PUM2: variants seen among roughly 807,000 people sequenced by gnomAD.
PUM2 encodes the protein pumilio RNA binding family member 2, also known as pumilio homolog 2.
In PUM2, 57 loss-of-function variants were observed where a neutral mutation model predicts 124.5. The observed-to-expected ratio is 0.46, with a 90% CI of 0.37 to 0.57. The LOEUF (loss-of-function observed/expected upper bound fraction) is 0.57, where lower values mean the gene tolerates loss of function less well. Among genes scored for constraint, PUM2 ranks in the 20% least tolerant of loss-of-function variants. PUM2 has a pLI of 0.00. For synonymous variants in PUM2, 460 were observed against 446.1 expected, an observed-to-expected ratio of 1.03 and a Z score of -0.39; for missense variants, 1,065 against 1,290.6, an observed-to-expected ratio of 0.83 and a Z score of 2.68.
chr2:20,254,090 ATCT>A, intron 19 of PUM2, 76 bp from the exon 20 acceptor site: 1 of 1,236,206 alleles, frequency 8.1e-7, no homozygotes, highest in Non-Finnish European at 1.1e-6. Flanking sequence ...TATAGAAAGA[ATCT>A]TCTCCAATGA....
intron 13 of PUM2, among the ~76,000 whole-genome samples, chr2:20,264,189 T>C (rs935526758): frequency 4.0e-5 from 6 of 149,928 alleles, no homozygotes; most frequent in African/African-American, 1.5e-4. Flanking sequence ...ATACAAAAAT[T>C]AGCCAGGCGT....
chr2:20,285,854 G>A (rs974982979), intron 10 of PUM2, among the ~76,000 whole-genome samples: 1 of 152,104 alleles, frequency 6.6e-6, no homozygotes, highest in African/African-American at 2.4e-5. Flanking sequence ...AAGTTATTGG[G>A]CAGTGACAAC....
chr2:20,291,633 T>C (rs1024143726), intron 9 of PUM2, among the ~76,000 whole-genome samples: 2 of 152,184 alleles, frequency 1.3e-5, no homozygotes, highest in South Asian at 2.1e-4. Context: ...TTTTCTTGTG[T>C]TTCTCTTTAC....
intron 20 of PUM2, among the ~76,000 whole-genome samples, 192 bp from the exon 21 acceptor site, chr2:20,251,908 T>C (rs1663457959): frequency 6.6e-6 from 1 of 152,196 alleles, no homozygotes; most frequent in Non-Finnish European, 1.5e-5. Context: ...TCGAAATTGT[T>C]CAATGAATAA....
chr2:20,312,700 C>A (rs1238583645), intron 3 of PUM2, among the ~76,000 whole-genome samples: 1 of 152,130 alleles, frequency 6.6e-6, no homozygotes, highest in Non-Finnish European at 1.5e-5. Context: ...ACTTTCTTCA[C>A]AGAATTAGAT....
At chr2:20,330,205 T>C (rs151153843) in intron 1 of PUM2, among the ~76,000 whole-genome samples, 33 of 152,198 alleles carry the variant, frequency 2.2e-4, no homozygotes, top group African/African-American at 6.7e-4. Flanking sequence ...GGAGTGCCAA[T>C]CCAGACTTTT....
At chr2:20,299,218 C>T (rs1397742715) in intron 7 of PUM2, among the ~76,000 whole-genome samples, 1 of 152,162 alleles carries the variant, frequency 6.6e-6, no homozygotes, top group Non-Finnish European at 1.5e-5. Flanking sequence ...GAGGCCTCAA[C>T]TTCTGGGATC....
At chr2:20,261,285 G>A (rs1666142809) in intron 14 of PUM2, among the ~76,000 whole-genome samples, 2 of 150,954 alleles carry the variant, frequency 1.3e-5, no homozygotes, top group African/African-American at 4.9e-5. Flanking sequence ...CAGCTACTCA[G>A]GAGGCTGAGG....
At chr2:20,322,569 G>GAGGC (rs1412649906) in intron 2 of PUM2, among the ~76,000 whole-genome samples, 1 of 152,140 alleles carries the variant, frequency 6.6e-6, no homozygotes. Flanking sequence ...ATAATTAGCT[G>GAGGC]AGGCAGGCAG....
rs1389424148 is a variant in PUM2 at position 20,249,340 on chromosome 2, G to C, written c.*2245C>G. 6.6e-6 allele frequency: 1 copy of C among 152,532 alleles called. No homozygotes were observed. The highest frequency in any genetic ancestry group is 1.5e-5 in the Non-Finnish European group (1 of 68,046). 9.4% of individuals were successfully genotyped at this position (152,532 alleles called of 1,614,324 possible). A position where few individuals can be genotyped will look rare whatever the true frequency, so the allele number is the denominator to read the frequency against. ...AGTTCGATACGGGCCGAAATACTCTGAGGTTGGTAAAGTAGGAAAAAGTGA... is the reference window on the plus strand; with the variant it reads ...AGTTCGATACGGGCCGAAATACTCTCAGGTTGGTAAAGTAGGAAAAAGTGA... On this transcript the variant is annotated 3_prime_UTR_variant, in exon 21 of 21. Transcript: ENST00000361078.
intron 14 of PUM2, among the ~76,000 whole-genome samples, chr2:20,262,311 A>G (rs560771693): frequency 5.3e-4 from 80 of 152,290 alleles, no homozygotes; most frequent in African/African-American, 1.9e-3. Context: ...CACGCATATG[A>G]TTTTTTAATC....
intron 9 of PUM2, among the ~76,000 whole-genome samples, chr2:20,291,463 A>G (rs1674059598): frequency 2.0e-5 from 3 of 152,358 alleles, no homozygotes; most frequent in South Asian, 2.1e-4. Flanking sequence ...CCGACTGCAT[A>G]TTCCTCTGTT....
In PUM2 at chr2:20,348,494, G is replaced by A. The variant is rs1466681498; in HGVS notation, c.-19+2103C>T. ...CTTAAAACTATGCAGATCATGTTAG[G>A]GTCTATAAAAAGGAGACAGCTTGGT... On this transcript the variant is annotated intron_variant, in intron 1 of 20. Coordinates refer to ENST00000361078, the MANE Select transcript of PUM2 (RefSeq NM_015317.5). 2.0e-5 allele frequency among the ~76,000 whole-genome samples: 3 copies of A among 152,282 alleles called. No individual in the cohort carries two copies. The East Asian group carries it at 5.8e-4, about 29-fold the overall frequency.
At chr2:20,298,350 C>T (rs186168184) in intron 7 of PUM2, among the ~76,000 whole-genome samples, 12 of 152,284 alleles carry the variant, frequency 7.9e-5, no homozygotes, top group South Asian at 6.2e-4. Context: ...TTTTACCCTC[C>T]AGTCAATACG....
chr2:20,300,285 G>C (rs1676657006), intron 7 of PUM2, among the ~76,000 whole-genome samples: 1 of 152,138 alleles, frequency 6.6e-6, no homozygotes, highest in Admixed American at 6.5e-5. Context: ...GAGTAGCTGG[G>C]ATTACAGGCA....
At position 20,350,586 on chromosome 2, in the gene PUM2, G is replaced by A. The variant is rs921750010; in HGVS notation, c.-19+11C>T. On this transcript the variant is annotated intron_variant, in intron 1 of 20. Coordinates refer to ENST00000361078, the MANE Select transcript of PUM2 (RefSeq NM_015317.5). The stretch of plus-strand genomic sequence containing the variant: ...AAGGACCGGAGAAAGAGCGAACGCG[G>A]ACTGACTTACAGGGCTGCTGCGGCC... 4 of 985,362 alleles carry A rather than the reference G, an allele frequency of 4.1e-6. No homozygotes were observed. In the African/African-American group the frequency reaches 5.2e-5, roughly 13 times the overall value. The allele number at this position is 985,362 out of a possible 1,614,324, so 61.0% of individuals were successfully genotyped here.
intron 14 of PUM2, among the ~76,000 whole-genome samples, chr2:20,261,549 A>G (rs545718056): frequency 6.7e-5 from 10 of 150,026 alleles, no homozygotes; most frequent in African/African-American, 2.2e-4. Flanking sequence ...AAAAAAAAGT[A>G]AAACACCCTC....
intron 16 of PUM2, among the ~76,000 whole-genome samples, chr2:20,257,202 C>G (rs1163656744): frequency 6.6e-6 from 1 of 151,818 alleles, no homozygotes; most frequent in Non-Finnish European, 1.5e-5. Flanking sequence ...AGAGAAGTTT[C>G]TAAGCTTTTA....
intron 7 of PUM2, among the ~76,000 whole-genome samples, chr2:20,304,794 T>C (rs1035955291): frequency 2.6e-5 from 4 of 152,240 alleles, no homozygotes; most frequent in Admixed American, 6.5e-5. Context: ...AAATTCTCAT[T>C]AGTAAGTTCC....
Sources: allele counts gnomAD v4.1 joint callset (sites outside exome capture counted in the v4.1 genomes callset), GRCh38; gene constraint gnomAD v4.1.1; transcripts MANE v1.5; gene names NCBI Gene and HGNC (gene_info 2026-07-23, HGNC 2026-07-21).